PHKB: variants seen among roughly 807,000 people sequenced by gnomAD.
PHKB encodes the protein phosphorylase b kinase regulatory subunit beta.
In PHKB, 122 loss-of-function variants were observed where a neutral mutation model predicts 152.1. That is an observed-to-expected ratio of 0.80 (90% CI 0.69 to 0.93). The LOEUF (loss-of-function observed/expected upper bound fraction) is 0.93, where lower values mean the gene tolerates loss of function less well. Among genes scored for constraint, PHKB ranks in the 40% least tolerant of loss-of-function variants. PHKB has a pLI of 0.00. For missense variants in PHKB, 1,304 were observed against 1,328.4 expected (o/e 0.98, Z 0.29); for synonymous variants, 436 against 464.9 (o/e 0.94, Z 0.80).
intron 14 of PHKB, among the ~76,000 whole-genome samples, chr16:47,617,252 T>A (rs1253515944): frequency 1.4e-5 from 2 of 147,934 alleles, no homozygotes; most frequent in African/African-American, 4.9e-5. Flanking sequence ...ATATAATATT[T>A]ATATATAATA....
intron 26 of PHKB, among the ~76,000 whole-genome samples, chr16:47,681,859 C>T (rs2142094023): frequency 6.6e-6 from 1 of 152,262 alleles, no homozygotes. Context: ...CAGTTTCTTC[C>T]TTGCCTTGAT....
intron 6 of PHKB, among the ~76,000 whole-genome samples, chr16:47,536,281 C>T (rs576502756): frequency 1.2e-4 from 19 of 152,254 alleles, no homozygotes; most frequent in Non-Finnish European, 2.5e-4. Context: ...GAACTTCTGA[C>T]CTCAGGTGAT....
At chr16:47,683,727 C>G (rs759357432) in intron 26 of PHKB, among the ~76,000 whole-genome samples, 4 of 152,200 alleles carry the variant, frequency 2.6e-5, no homozygotes, top group Non-Finnish European at 5.9e-5. Flanking sequence ...GAGGCAATGC[C>G]TCGCCCTGCT....
At chr16:47,694,834 C>T (rs553616891) in intron 28 of PHKB, among the ~76,000 whole-genome samples, 1 of 152,334 alleles carries the variant, frequency 6.6e-6, no homozygotes, top group South Asian at 2.1e-4. Flanking sequence ...TCAGCCCCCA[C>T]TAATACTTAC....
chr16:47,694,783 C>T (rs1477328932), intron 28 of PHKB, among the ~76,000 whole-genome samples: 2 of 152,132 alleles, frequency 1.3e-5, no homozygotes, highest in African/African-American at 4.8e-5. Flanking sequence ...TGTCTGCCTA[C>T]CTGGGCAGTG....
chr16:47,506,167 C>A, intron 4 of PHKB, among the ~76,000 whole-genome samples: 1 of 147,638 alleles, frequency 6.8e-6, no homozygotes. Context: ...GCCTGGGCAA[C>A]AGAGTGAGAC....
intron 1 of PHKB, among the ~76,000 whole-genome samples, chr16:47,478,786 T>C (rs1483539717): frequency 1.3e-5 from 2 of 152,204 alleles, no homozygotes; most frequent in Non-Finnish European, 2.9e-5. Flanking sequence ...GCTCTTTGGT[T>C]AAAATTAAAT....
intron 20 of PHKB, among the ~76,000 whole-genome samples, chr16:47,658,809 AGTGTGTGTGTGTGTGT>A (rs36066227): frequency 6.4e-5 from 9 of 140,744 alleles, no homozygotes; most frequent in East Asian, 4.2e-4. Context: ...AATGCATGAC[AGTGTGTGTGTGTGTGT>A]GTGTGTGTGT....
chr16:47,640,869 T>A (rs1051213129), intron 14 of PHKB, among the ~76,000 whole-genome samples, 166 bp from the exon 15 acceptor site: 5 of 152,202 alleles, frequency 3.3e-5, no homozygotes, highest in Non-Finnish European at 7.3e-5. Context: ...AATTGATTAG[T>A]AGGCAGTGGC....
Position 47,501,998 on chromosome 16 carries a change from A to G in PHKB, c.306-993A>G, listed in dbSNP as rs149600951. Among the ~76,000 whole-genome samples the G allele has an allele frequency of 3.9e-3, 599 of 152,330 alleles. 3 individuals carry two copies. The highest frequency in any genetic ancestry group is 0.014 in the African/African-American group (571 of 41,562). On this transcript the variant is annotated intron_variant, in intron 3 of 30. Coordinates refer to ENST00000323584, the MANE Select transcript of PHKB (RefSeq NM_000293.3). ...CATGAAAAAGAAGGTATGATGTGCT[A>G]ATGATGAATAACTTACTTTTTACTG...
chr16:47,505,341 A>G (rs1970396039), intron 4 of PHKB: 1 of 152,236 alleles, frequency 6.6e-6, no homozygotes, highest in Admixed American at 6.5e-5. Flanking sequence ...CAGACCCCAG[A>G]AAAGGTGTTG....
chr16:47,610,159 A>ATTTTTTTT (rs371224839), intron 13 of PHKB, among the ~76,000 whole-genome samples: 45 of 99,422 alleles, frequency 4.5e-4, no homozygotes, highest in Non-Finnish European at 5.4e-4. Context: ...TGCCCAGCTA[A>ATTTTTTTT]TTTTTTTTTT....
At chr16:47,649,305 G>T in intron 18 of PHKB, 101 bp downstream of exon 18, 1 of 768,106 alleles carries the variant, frequency 1.3e-6, no homozygotes, top group Admixed American at 1.8e-5. Context: ...GTGACACTGG[G>T]TTAACACAGT....
chr16:47,511,761 G>A lies in PHKB; in HGVS notation c.502G>A (p.Gly168Ser), dbSNP rs1446296864. 6.4e-7 allele frequency: 1 copy of A among 1,563,284 alleles called. No individual in the cohort carries two copies. The highest frequency in any genetic ancestry group is 8.8e-7 in the Non-Finnish European group (1 of 1,133,688). Residue 168 changes from glycine to serine, a missense_variant, in exon 5 of 31, where the codon GGT (glycine) becomes AGT (serine). Gly to Ser is a moderately conservative substitution (Grantham distance 56, BLOSUM62 0). Transcript: ENST00000323584. ...TGAGTTGCTTTCCTATGAGGAATAT[G>A]GTCATCTTCAGGTAAAAAGAGATTA... ...GDELLSYEEY[G>S]HLQINAVSLY...
intron 6 of PHKB, among the ~76,000 whole-genome samples, chr16:47,536,101 G>A (rs891071637): frequency 2.0e-5 from 3 of 152,134 alleles, no homozygotes; most frequent in African/African-American, 7.2e-5. Flanking sequence ...GCCCAGGCTG[G>A]AGTGCAGTGG....
At chr16:47,552,906 G>A (rs1034067694) in intron 7 of PHKB, among the ~76,000 whole-genome samples, 1 of 152,180 alleles carries the variant, frequency 6.6e-6, no homozygotes, top group South Asian at 2.1e-4. Flanking sequence ...GAGATCTGCT[G>A]TTAGTCTGAT....
intron 6 of PHKB, among the ~76,000 whole-genome samples, chr16:47,544,507 C>T (rs372120724): frequency 3.3e-5 from 5 of 152,010 alleles, no homozygotes; most frequent in South Asian, 2.1e-4. Flanking sequence ...TTTACTTCCA[C>T]GTATGTGGTC....
In PHKB at chr16:47,699,351, G is replaced by T. The variant is rs146134171; in HGVS notation, c.3267G>T (p.Pro1089=). The part of the protein sequence containing the change: ...EGEVKPNNDD[P]CLIS Reference sequence around the variant, plus strand: ...AAGTCAAGCCAAACAATGATGACCCGTGTCTGATTAGCTAGTGGGGAAGGT... The same window carrying T: ...AAGTCAAGCCAAACAATGATGACCCTTGTCTGATTAGCTAGTGGGGAAGGT... Residue 1089 remains proline, a synonymous_variant, in exon 31 of 31, where the codon CCG becomes CCT. Transcript: ENST00000323584. 2 of 1,614,152 alleles carry T rather than the reference G, an allele frequency of 1.2e-6. No homozygotes were observed. Among genetic ancestry groups the T allele is most frequent in the Non-Finnish European group, 1.7e-6 (2 of 1,180,012 alleles).
intron 10 of PHKB, chr16:47,590,296 T>G (rs949993380): frequency 6.6e-6 from 1 of 151,642 alleles, no homozygotes; most frequent in Non-Finnish European, 1.5e-5. Flanking sequence ...TTTTTTTTTT[T>G]TTTAATAGAG....
Sources: gnomAD v4.1 joint callset for allele counts (sites outside exome capture counted in the v4.1 genomes callset) on GRCh38, gnomAD v4.1.1 for gene constraint, MANE v1.5 for transcripts, NCBI Gene and HGNC (gene_info 2026-07-23, HGNC 2026-07-21) for gene names.